Variants in PCLO observed in about 807,000 individuals in gnomAD.
The protein encoded by PCLO is protein piccolo.
PCLO carries 82 observed loss-of-function variants against 427.5 expected under a neutral mutation model. The observed-to-expected ratio is 0.19, with a 90% confidence interval of 0.16 to 0.23. The LOEUF is 0.23. Among genes scored for constraint, PCLO ranks in the 10% least tolerant of loss-of-function variants. PCLO has a pLI of 1.00. For synonymous variants in PCLO, 2,357 were observed against 2,155.4 expected, an observed-to-expected ratio of 1.09 and a Z score of -2.59; for missense variants, 6,239 against 6,115.9, an observed-to-expected ratio of 1.02 and a Z score of -0.67.
intron 3 of PCLO, among the ~76,000 whole-genome samples, chr7:83,066,014 C>G (rs910589193): frequency 6.6e-6 from 1 of 152,078 alleles, no homozygotes; most frequent in African/African-American, 2.4e-5. Context: ...GTTTCTGGGA[C>G]AGGACTAGTA....
At chr7:82,779,250 G>A (rs538389483) in intron 22 of PCLO, among the ~76,000 whole-genome samples, 9 of 152,210 alleles carry the variant, frequency 5.9e-5, no homozygotes, top group Non-Finnish European at 1.3e-4. Flanking sequence ...ACATAGGAAA[G>A]ATATTGCTTT....
rs1491569453 is a variant in PCLO at position 83,038,063 on chromosome 7, ATT to A, written c.3301-71578_3301-71577del. Among the ~76,000 whole-genome samples, 18 of 43,464 alleles carry A rather than the reference ATT, an allele frequency of 4.1e-4. 1 individual carries two copies. The highest frequency in any genetic ancestry group is 1.8e-3 in the African/African-American group (17 of 9,646). The allele number at this position is 43,464 out of a possible 152,430, so 28.5% of individuals were successfully genotyped here. On this transcript the variant is annotated intron_variant, in intron 3 of 24. Transcript: ENST00000333891. Reference sequence around the variant, plus strand: ...TTTATATATATATCTTTATATATATATTTATATATTTATATATATATCTTTAT... The same window carrying A: ...TTTATATATATATCTTTATATATATATATATATTTATATATATATCTTTAT...
At chr7:83,141,551 T>TG (rs1791862235) in intron 2 of PCLO, among the ~76,000 whole-genome samples, 9 of 152,338 alleles carry the variant, frequency 5.9e-5, no homozygotes, top group Non-Finnish European at 1.3e-4. Context: ...AAGAAGATGA[T>TG]CAGACAGGAT....
chr7:82,854,451 AAAGAT>A (rs1281235603), intron 10 of PCLO, among the ~76,000 whole-genome samples: 1 of 152,122 alleles, frequency 6.6e-6, no homozygotes, highest in African/African-American at 2.4e-5. Flanking sequence ...TTCATAATAT[AAAGAT>A]AATATAATTT....
chr7:83,160,241 G>A (rs1005442089), intron 1 of PCLO, among the ~76,000 whole-genome samples: 2 of 152,150 alleles, frequency 1.3e-5, no homozygotes, highest in Non-Finnish European at 2.9e-5. Context: ...CACATTGATT[G>A]AGAAGTATTT....
chr7:83,093,996 A>G (rs1584014184), intron 3 of PCLO, among the ~76,000 whole-genome samples: 1 of 151,900 alleles, frequency 6.6e-6, no homozygotes, highest in East Asian at 1.9e-4. Flanking sequence ...GTTTTAGTTA[A>G]GATACAGAAC....
rs957197363 is a variant in PCLO at position 82,815,421 on chromosome 7, A to G, written c.14791+7074T>C. Among the ~76,000 whole-genome samples the G allele has an allele frequency of 3.3e-5, 5 of 152,088 alleles. No individual in the cohort carries two copies. In the South Asian group the frequency reaches 1.0e-3, roughly 31 times the overall value. ...GAGGATGCTTTAAAACAAAAACTAC[A>G]TAATAGACCTATATAGAAAGACATT... On this transcript the variant is annotated intron_variant, in intron 20 of 24. Coordinates refer to ENST00000333891, the MANE Select transcript of PCLO (RefSeq NM_033026.6).
At chr7:82,998,063 G>A (rs887410223) in intron 3 of PCLO, among the ~76,000 whole-genome samples, 1 of 151,934 alleles carries the variant, frequency 6.6e-6, no homozygotes, top group Non-Finnish European at 1.5e-5. Context: ...GGAGAGACAG[G>A]TAGATACAGA....
chr7:82,974,486 A>G (rs1795972556), intron 3 of PCLO, among the ~76,000 whole-genome samples: 1 of 152,180 alleles, frequency 6.6e-6, no homozygotes, highest in Admixed American at 6.5e-5. Flanking sequence ...ATGATGCGCT[A>G]AACTTATGGG....
chr7:82,933,642 T>C (rs1794887477), intron 6 of PCLO, among the ~76,000 whole-genome samples: 1 of 151,864 alleles, frequency 6.6e-6, no homozygotes, highest in South Asian at 2.1e-4. Flanking sequence ...AACTGTGATA[T>C]ATTTTCAATG....
rs1788243336 is a variant in PCLO at position 83,017,721 on chromosome 7, GAC to G, written c.3301-51236_3301-51235del. 2.0e-5 allele frequency among the ~76,000 whole-genome samples: 3 copies of G among 151,884 alleles called. No homozygotes were observed. The South Asian group carries it at 6.2e-4, about 32-fold the overall frequency. On this transcript the variant is annotated intron_variant, in intron 3 of 24. Transcript: ENST00000333891. ...TGTTTACCCATTTTCAGAGAAAAGA[GAC>G]ATTTAAAAAAACTATAAACCACCCA...
At chr7:82,970,995 A>AT (rs746620917) in intron 3 of PCLO, among the ~76,000 whole-genome samples, 13 of 151,726 alleles carry the variant, frequency 8.6e-5, no homozygotes, top group Admixed American at 8.5e-4. Context: ...GTAGGTCACA[A>AT]TTTTTTTTCA....
intron 16 of PCLO, among the ~76,000 whole-genome samples, chr7:82,835,385 G>C (rs1792207199): frequency 6.6e-6 from 1 of 152,142 alleles, no homozygotes; most frequent in African/African-American, 2.4e-5. Context: ...AATAGATTAT[G>C]AGACTTTAGT....
At chr7:82,866,445 T>G (rs1793094768) in intron 10 of PCLO, among the ~76,000 whole-genome samples, 1 of 151,954 alleles carries the variant, frequency 6.6e-6, no homozygotes, top group Non-Finnish European at 1.5e-5. Flanking sequence ...AGCCCTCACA[T>G]GTCCAAGAAG....
intron 21 of PCLO, among the ~76,000 whole-genome samples, chr7:82,804,740 T>C (rs1264163240): frequency 6.6e-6 from 1 of 152,200 alleles, no homozygotes; most frequent in Non-Finnish European, 1.5e-5. Flanking sequence ...TTATATTCAC[T>C]GAAATTTCAA....
chr7:82,848,925 T>G (rs963004547), intron 10 of PCLO: 1 of 407,762 alleles, frequency 2.5e-6, no homozygotes, highest in African/African-American at 2.0e-5. Context: ...TCCCAGGCTG[T>G]TGTACATATA....
rs191279662 is a variant in PCLO at position 83,057,506 on chromosome 7, C to T, written c.3300+76744G>A. Among the ~76,000 whole-genome samples the T allele has an allele frequency of 4.6e-4, 68 of 149,394 alleles. No homozygotes were observed. In the East Asian group the frequency reaches 9.1e-3, roughly 20 times the overall value. On this transcript the variant is annotated intron_variant, in intron 3 of 24. Coordinates refer to ENST00000333891, the MANE Select transcript of PCLO (RefSeq NM_033026.6). The stretch of plus-strand genomic sequence containing the variant: ...CCTCCCAAGTAGCTGGGACTGCATG[C>T]GCCCGCCACCATGCCCGGCTAATTT...
At position 83,162,781 on chromosome 7, in the gene PCLO, C is replaced by T; in HGVS notation, c.-189G>A. On this transcript the variant is annotated 5_prime_UTR_variant, in exon 1 of 25. Transcript: ENST00000333891. ...GGGTTAGTCCCGCTCGCAGGTAACG[C>T]CCGCTGCCGGTGCCTCCTCCATGTT... is the stretch of plus-strand genomic sequence containing the variant. 2 of 694,136 alleles carry T rather than the reference C, an allele frequency of 2.9e-6. No individual in the cohort carries two copies. Among genetic ancestry groups the T allele is most frequent in the Non-Finnish European group, 4.6e-6 (2 of 433,616 alleles). The allele number at this position is 694,136 out of a possible 1,614,324, so 43.0% of individuals were successfully genotyped here. A position where few individuals can be genotyped will look rare whatever the true frequency, so the allele number is the denominator to read the frequency against.
chr7:83,032,781 A>G (rs7810390), intron 3 of PCLO, among the ~76,000 whole-genome samples: 71,844 of 151,784 alleles, frequency 0.47, 17,806 homozygotes, highest in East Asian at 0.83. Flanking sequence ...CCAAAAATCT[A>G]GAGTTGAATC....
Sources: gnomAD v4.1 joint callset for allele counts (sites outside exome capture counted in the v4.1 genomes callset) on GRCh38, gnomAD v4.1.1 for gene constraint, MANE v1.5 for transcripts, NCBI Gene and HGNC (gene_info 2026-07-23, HGNC 2026-07-21) for gene names.